Variants in ANXA8 observed in about 807,000 individuals in gnomAD.
ANXA8 encodes annexin A8.
Under a neutral mutation model 26.8 loss-of-function variants are expected in ANXA8, and 9 were observed. The ratio of observed to expected loss-of-function variants is 0.34; its 90% CI spans 0.20 to 0.59. The LOEUF is 0.59. Among genes scored for constraint, ANXA8 ranks in the 20% least tolerant of loss-of-function variants. The pLI, the probability that ANXA8 is intolerant of heterozygous loss-of-function variation, is 0.84. For missense variants in ANXA8, 83 were observed against 238.5 expected, an observed-to-expected ratio of 0.35 and a Z score of 4.29; for synonymous variants, 39 against 94.8, an observed-to-expected ratio of 0.41 and a Z score of 3.42.
the ANXA8 span, among the ~76,000 whole-genome samples, chr10:47,920,011 C>T: frequency 9.6e-5 from 1 of 10,420 alleles, no homozygotes; most frequent in Admixed American, 1.1e-3. Flanking sequence ...TGCAGTGCCT[C>T]TGCCACAGGT....
At chr10:47,960,027 C>T in the ANXA8 span, among the ~76,000 whole-genome samples, 1 of 148,086 alleles carries the variant, frequency 6.8e-6, no homozygotes, top group African/African-American at 2.6e-5. Flanking sequence ...CCCTGTCGGG[C>T]CTTTGGATGA....
the ANXA8 span, among the ~76,000 whole-genome samples, chr10:47,673,032 A>G: frequency 1.3e-5 from 2 of 149,694 alleles, no homozygotes; most frequent in South Asian, 4.2e-4. Context: ...TCCACCATAG[A>G]TGAGGGGAAA....
At chr10:47,744,651 C>T in the ANXA8 span, among the ~76,000 whole-genome samples, 2 of 151,856 alleles carry the variant, frequency 1.3e-5, no homozygotes, top group African/African-American at 2.4e-5. Flanking sequence ...CACAATCCGG[C>T]GTCATAGTGG....
the ANXA8 span, among the ~76,000 whole-genome samples, chr10:47,617,699 G>C: frequency 6.7e-6 from 1 of 148,908 alleles, no homozygotes; most frequent in African/African-American, 2.6e-5. Context: ...TCTTCACTGA[G>C]ATTGAGTCTA....
the ANXA8 span, among the ~76,000 whole-genome samples, chr10:47,610,710 T>C: frequency 6.6e-6 from 1 of 150,420 alleles, no homozygotes; most frequent in East Asian, 1.9e-4. Context: ...TATAAATAAA[T>C]AAATAAATAA....
the ANXA8 span, chr10:47,565,635 G>A: frequency 3.0e-6 from 1 of 336,052 alleles, no homozygotes; most frequent in East Asian, 4.7e-5. Flanking sequence ...CTGAACTTCG[G>A]CTACGCGGCT....
the ANXA8 span, among the ~76,000 whole-genome samples, chr10:47,500,743 CT>C: frequency 1.7e-5 from 2 of 115,946 alleles, no homozygotes; most frequent in East Asian, 3.2e-4. Context: ...CCCTCTTTTT[CT>C]TTTTTTTGAG....
At chr10:47,662,474 GT>G in the ANXA8 span, among the ~76,000 whole-genome samples, 1 of 152,020 alleles carries the variant, frequency 6.6e-6, no homozygotes, top group Non-Finnish European at 1.5e-5. Context: ...AATTGAAAGT[GT>G]TTAGTTTAGT....
At chr10:47,616,414 C>G in the ANXA8 span, among the ~76,000 whole-genome samples, 2 of 55,560 alleles carry the variant, frequency 3.6e-5, 1 homozygote, top group African/African-American at 1.1e-4. Context: ...TCTGAAGCCT[C>G]TTACATCTTC....
the ANXA8 span, among the ~76,000 whole-genome samples, chr10:47,626,732 C>G: frequency 6.7e-6 from 1 of 150,236 alleles, no homozygotes; most frequent in African/African-American, 2.5e-5. Context: ...TGTTTTGAAA[C>G]ATTAATGTGG....
the ANXA8 span, among the ~76,000 whole-genome samples, chr10:47,731,158 G>C: frequency 6.6e-6 from 1 of 152,306 alleles, no homozygotes; most frequent in African/African-American, 2.4e-5. Flanking sequence ...TGTAAGTTCA[G>C]AGTATGCTGA....
At chr10:47,490,342 C>A in the ANXA8 span, 3 of 150,744 alleles carry the variant, frequency 2.0e-5, no homozygotes, top group African/African-American at 7.5e-5. Context: ...GATGATGAGA[C>A]CCAACACCAG....
At chr10:47,653,698 T>G in the ANXA8 span, among the ~76,000 whole-genome samples, 1 of 149,068 alleles carries the variant, frequency 6.7e-6, no homozygotes, top group African/African-American at 2.6e-5. Context: ...CAGGCTGGAG[T>G]GCAGTGGTGC....
the ANXA8 span, among the ~76,000 whole-genome samples, chr10:47,682,033 C>T: frequency 3.1e-4 from 47 of 150,880 alleles, no homozygotes; most frequent in Admixed American, 2.8e-3. Context: ...ACAGACCTGG[C>T]GGCCATGATC....
At chr10:47,692,754 T>G in the ANXA8 span, 1 of 148,068 alleles carries the variant, frequency 6.8e-6, no homozygotes. Flanking sequence ...TTTTTTTTTT[T>G]GAGACAGTCT....
At chr10:47,949,193 T>C in the ANXA8 span, among the ~76,000 whole-genome samples, 34 of 129,760 alleles carry the variant, frequency 2.6e-4, no homozygotes, top group Non-Finnish European at 3.1e-4. Context: ...TATATTTAAG[T>C]ATAATCATAT....
chr10:47,676,559 A>G, the ANXA8 span, among the ~76,000 whole-genome samples: 1 of 151,814 alleles, frequency 6.6e-6, no homozygotes, highest in Admixed American at 6.6e-5. Flanking sequence ...TTAGCTGAGC[A>G]TGGTGGCACA....
At chr10:47,673,662 T>C in the ANXA8 span, among the ~76,000 whole-genome samples, 1 of 151,880 alleles carries the variant, frequency 6.6e-6, no homozygotes, top group African/African-American at 2.4e-5. Flanking sequence ...AGCTTTTTTT[T>C]CTTTCTTTTT....
chr10:47,571,934 G>A, the ANXA8 span, among the ~76,000 whole-genome samples: 1 of 145,378 alleles, frequency 6.9e-6, no homozygotes, highest in South Asian at 2.2e-4. Context: ...CACTGCACCT[G>A]ACCAGTATTG....
Sources: allele counts gnomAD v4.1 joint callset (sites outside exome capture counted in the v4.1 genomes callset), GRCh38; gene constraint gnomAD v4.1.1; transcripts MANE v1.5; gene names NCBI Gene and HGNC (gene_info 2026-07-23, HGNC 2026-07-21).